The following DMD variants were observed in gnomAD, a reference collection of about 807,000 sequenced individuals.
The protein encoded by DMD is mutant dystrophin.
Under a neutral mutation model 330.1 loss-of-function variants are expected in DMD, and 63 were observed. The observed-to-expected ratio is 0.19, with a 90% confidence interval of 0.16 to 0.24. The LOEUF is 0.24. Among genes scored for constraint, DMD ranks in the 10% least tolerant of loss-of-function variants. DMD has a pLI of 1.00. For synonymous variants in DMD, 1,223 were observed against 959.8 expected (o/e 1.27, Z -5.07); for missense variants, 3,344 against 2,684.1 (o/e 1.25, Z -5.43).
intron 26 of DMD, among the ~76,000 whole-genome samples, chrX:32,450,741 G>A (rs776115120): frequency 9.0e-6 from 1 of 110,779 alleles, no homozygotes; most frequent in African/African-American, 3.3e-5. Flanking sequence ...GAAGGAGCAT[G>A]CTGTAGTCAG....
At position 31,822,653 on chromosome X, in the gene DMD, G is replaced by GGGGTGTGTGTGTGTGT. The variant is rs58903799; in HGVS notation, c.7201-2571_7201-2570insACACACACACACACCC. 1.2e-3 allele frequency among the ~76,000 whole-genome samples: 76 copies of GGGGTGTGTGTGTGTGT among 65,810 alleles called. 1 individual carries two copies. Among genetic ancestry groups the GGGGTGTGTGTGTGTGT allele is most frequent in the Non-Finnish European group, 1.5e-3 (58 of 37,829 alleles). 57.1% of individuals were successfully genotyped at this position (65,810 alleles called of 115,157 possible). On this transcript the variant is annotated intron_variant, in intron 49 of 78. Coordinates refer to ENST00000357033, the MANE Select transcript of DMD (RefSeq NM_004006.3). The stretch of plus-strand genomic sequence containing the variant: ...TTGGCCATACAGAAAAAGGCAGAGG[G>GGGGTGTGTGTGTGTGT]GTGTGTGTGTGTGTGTGTGTGTGTG...
chrX:31,182,626 C>G, intron 68 of DMD, 112 bp downstream of exon 68: 4 of 744,923 alleles, frequency 5.4e-6, no homozygotes, highest in African/African-American at 2.1e-5. Flanking sequence ...TTCTCTCCCA[C>G]TTTGGAGACG....
intron 60 of DMD, among the ~76,000 whole-genome samples, chrX:31,390,227 G>T (rs1045952254): frequency 4.6e-5 from 5 of 108,338 alleles, no homozygotes; most frequent in Admixed American, 1.0e-4. Flanking sequence ...ATATTCTTTT[G>T]ATTTTTGACT....
intron 1 of DMD, among the ~76,000 whole-genome samples, chrX:33,064,298 A>G (rs1232137072): frequency 9.0e-6 from 1 of 111,663 alleles, no homozygotes; most frequent in Non-Finnish European, 1.9e-5. Context: ...AAGAAAAAGA[A>G]ATAAACATTT....
chrX:31,178,839 G>T lies in DMD; in HGVS notation c.10087-34C>A, dbSNP rs567584156. ...GAGATCATGGTGAGATCAGATTTAG[G>T]ACAGGATGATTTCAAAACTAATGAC... On this transcript the variant is annotated intron_variant, in intron 69 of 78. Coordinates refer to ENST00000357033, the MANE Select transcript of DMD (RefSeq NM_004006.3). The T allele has an allele frequency of 2.4e-5, 29 of 1,199,355 alleles. No homozygotes were observed. In the South Asian group the frequency reaches 5.0e-4, roughly 21 times the overall value.
Position 33,038,097 on chromosome X carries a change from T to C in DMD, c.32-17897A>G, listed in dbSNP as rs758764098. Among the ~76,000 whole-genome samples, 5 of 112,615 alleles carry C rather than the reference T, an allele frequency of 4.4e-5. No individual in the cohort carries two copies. In the East Asian group the frequency reaches 1.4e-3, roughly 31 times the overall value. ...ATCTTAATATTTTATTTAAGGCTTC[T>C]ATTGTTAAAAATAATGCATCTAACA... On this transcript the variant is annotated intron_variant, in intron 1 of 78. Transcript: ENST00000357033.
chrX:32,563,514 T>C (rs1230041348), intron 16 of DMD, among the ~76,000 whole-genome samples: 1 of 111,197 alleles, frequency 9.0e-6, no homozygotes, highest in Non-Finnish European at 1.9e-5. Context: ...AGATACATGC[T>C]GTAATGCATG....
chrX:31,798,576 T>C (rs759384746), intron 50 of DMD, among the ~76,000 whole-genome samples: 4 of 108,255 alleles, frequency 3.7e-5, no homozygotes, highest in South Asian at 7.9e-4. Context: ...GGCAGCACCA[T>C]GTAGTGCAAA....
At chrX:32,265,872 T>C (rs1300234878) in intron 43 of DMD, among the ~76,000 whole-genome samples, 1 of 112,228 alleles carries the variant, frequency 8.9e-6, no homozygotes, top group African/African-American at 3.2e-5. Context: ...TTTGATTTTA[T>C]GGCTCCTAGG....
In DMD at chrX:32,105,616, T is replaced by C. The variant is rs114239184; in HGVS notation, c.6438+111300A>G. Among the ~76,000 whole-genome samples, 1,064 of 111,995 alleles carry C rather than the reference T, an allele frequency of 9.5e-3. 16 individuals carry two copies. Among genetic ancestry groups the C allele is most frequent in the African/African-American group, 0.033 (1,021 of 30,904 alleles). Reference sequence around the variant, plus strand: ...AAAAACGTGAGTTTAATATGCATTATTATTCATGCTTCATAATAATCACCT... The same window carrying C: ...AAAAACGTGAGTTTAATATGCATTACTATTCATGCTTCATAATAATCACCT... On this transcript the variant is annotated intron_variant, in intron 44 of 78. Coordinates refer to ENST00000357033, the MANE Select transcript of DMD (RefSeq NM_004006.3).
intron 43 of DMD, among the ~76,000 whole-genome samples, chrX:32,237,543 C>T (rs762920793): frequency 9.0e-6 from 1 of 111,158 alleles, no homozygotes; most frequent in South Asian, 3.8e-4. Context: ...GCAGGTAATA[C>T]TAATGCTCCA....
chrX:32,337,324 T>A (rs1470386904), intron 41 of DMD, among the ~76,000 whole-genome samples: 1 of 108,994 alleles, frequency 9.2e-6, no homozygotes, highest in Admixed American at 1.0e-4. Flanking sequence ...GGGGGGTGGA[T>A]CATTTATTTT....
chrX:33,271,722 T>C (rs1219294051), intron 1 of DMD, among the ~76,000 whole-genome samples: 11 of 95,230 alleles, frequency 1.2e-4, no homozygotes, highest in African/African-American at 4.4e-4. Flanking sequence ...GCCGAGATAG[T>C]GCCACCACAC....
At chrX:32,145,887 G>A (rs192363564) in intron 44 of DMD, among the ~76,000 whole-genome samples, 23 of 111,379 alleles carry the variant, frequency 2.1e-4, no homozygotes, top group African/African-American at 6.2e-4. Flanking sequence ...GTAAACTATC[G>A]GTAGGATTAT....
intron 47 of DMD, among the ~76,000 whole-genome samples, chrX:31,881,097 A>G (rs1042314972): frequency 1.8e-5 from 2 of 111,658 alleles, no homozygotes; most frequent in African/African-American, 6.5e-5. Flanking sequence ...CAGCAAAAAT[A>G]TTAAAAATAA....
intron 49 of DMD, among the ~76,000 whole-genome samples, chrX:31,829,038 A>C (rs888321422): frequency 4.5e-5 from 5 of 112,250 alleles, no homozygotes; most frequent in Non-Finnish European, 9.4e-5. Flanking sequence ...ATACCATGGA[A>C]TATTACTCAG....
intron 48 of DMD, among the ~76,000 whole-genome samples, chrX:31,859,765 T>C (rs1166513690): frequency 8.9e-6 from 1 of 112,540 alleles, no homozygotes; most frequent in Non-Finnish European, 1.9e-5. Context: ...TTAGAAGAAT[T>C]GTGTTGTTTT....
At chrX:32,402,520 C>T (rs764696818) in intron 30 of DMD, among the ~76,000 whole-genome samples, 3 of 111,222 alleles carry the variant, frequency 2.7e-5, no homozygotes, top group Non-Finnish European at 5.7e-5. Context: ...AACCATTCAT[C>T]TAGTGTTTTC....
intron 29 of DMD, among the ~76,000 whole-genome samples, chrX:32,415,966 G>T (rs1211716181): frequency 1.8e-5 from 2 of 111,917 alleles, no homozygotes; most frequent in East Asian, 5.6e-4. Flanking sequence ...GCAATGTAAA[G>T]TCATCTCTAC....
Sources: allele counts gnomAD v4.1 joint callset (sites outside exome capture counted in the v4.1 genomes callset), GRCh38; gene constraint gnomAD v4.1.1; transcripts MANE v1.5; gene names NCBI Gene and HGNC (gene_info 2026-07-23, HGNC 2026-07-21).